The following PPEF1 variants were observed in gnomAD, a reference collection of about 807,000 sequenced individuals.
The protein encoded by PPEF1 is protein phosphatase with EF-hand domain 1, also known as serine/threonine-protein phosphatase with EF-hands 1.
In PPEF1, 12 loss-of-function variants were observed where a neutral mutation model predicts 53.3. That is an observed-to-expected ratio of 0.23 (90% CI 0.14 to 0.36). The LOEUF is 0.36. Among genes scored for constraint, PPEF1 ranks in the 10% least tolerant of loss-of-function variants. The pLI is 1.00. For missense variants in PPEF1, 334 were observed against 490.4 expected (o/e 0.68, Z 3.01); for synonymous variants, 165 against 176.7 (o/e 0.93, Z 0.52).
intron 1 of PPEF1, among the ~76,000 whole-genome samples, chrX:18,684,510 AC>A (rs1928991793): frequency 9.0e-6 from 1 of 111,551 alleles, no homozygotes; most frequent in African/African-American, 3.3e-5. Flanking sequence ...CAGTGAGATT[AC>A]ATTTCCTAGA....
intron 6 of PPEF1, among the ~76,000 whole-genome samples, chrX:18,769,767 G>T (rs1337723709): frequency 8.9e-6 from 1 of 112,018 alleles, no homozygotes; most frequent in Non-Finnish European, 1.9e-5. Flanking sequence ...GGTGAAGGTA[G>T]TATGTTACAA....
At chrX:18,825,930 ATTAAT>A in intron 15 of PPEF1, 95 bp downstream of exon 15, 5 of 581,129 alleles carry the variant, frequency 8.6e-6, no homozygotes, top group Non-Finnish European at 1.3e-5. Context: ...GAGCCCTATA[ATTAAT>A]ATGGTTTGAC....
Position 18,707,753 on chromosome X carries a change from A to G in PPEF1, c.-28A>G. On this transcript the variant is annotated 5_prime_UTR_variant, in exon 1 of 16. It removes an upstream start codon present in the reference 5' UTR. Coordinates refer to ENST00000470157, the MANE Select transcript of PPEF1 (RefSeq NM_001377996.1). ...TGTCTTAAAATCAGAAGTTGAATTC[A>G]TGAACACATATGATTTAGATAGAAG... 1 of 1,195,939 alleles carries G rather than the reference A, an allele frequency of 8.4e-7. No homozygotes were observed.
At chrX:18,795,953 G>T (rs1470048744) in intron 10 of PPEF1, among the ~76,000 whole-genome samples, 7 of 111,641 alleles carry the variant, frequency 6.3e-5, no homozygotes, top group Non-Finnish European at 9.4e-5. Context: ...TGTTTGTTTG[G>T]TTGGTTGGTT....
At chrX:18,746,296 A>T (rs2045327955) in intron 3 of PPEF1, among the ~76,000 whole-genome samples, 1 of 112,403 alleles carries the variant, frequency 8.9e-6, no homozygotes, top group Non-Finnish European at 1.9e-5. Flanking sequence ...GATTGTTTTC[A>T]TACATGACAC....
At chrX:18,824,224 G>A (rs1393368892) in intron 14 of PPEF1, 138 bp downstream of exon 14, 7 of 606,305 alleles carry the variant, frequency 1.2e-5, no homozygotes, top group South Asian at 4.8e-5. Flanking sequence ...GGCAGATCCC[G>A]AGGTCAGGAG....
intron 12 of PPEF1, among the ~76,000 whole-genome samples, chrX:18,810,248 ATATT>A (rs1427487943): frequency 4.5e-5 from 5 of 109,955 alleles, no homozygotes; most frequent in Non-Finnish European, 9.5e-5. Flanking sequence ...ACAACATACC[ATATT>A]TATTTATAAT....
chrX:18,825,170 C>A (rs2047143213), intron 14 of PPEF1, among the ~76,000 whole-genome samples: 1 of 111,952 alleles, frequency 8.9e-6, no homozygotes, highest in Non-Finnish European at 1.9e-5. Context: ...TTAAATATGA[C>A]ATTGAGCTGA....
At chrX:18,770,311 A>G (rs1268246946) in intron 6 of PPEF1, among the ~76,000 whole-genome samples, 1 of 111,487 alleles carries the variant, frequency 9.0e-6, no homozygotes, top group Non-Finnish European at 1.9e-5. Context: ...TTCAAACCCA[A>G]ACTATATAAA....
At chrX:18,706,818 C>CTTTTTTTTT (rs767459911), upstream of PPEF1, among the ~76,000 whole-genome samples, 1 of 46,299 alleles carries the variant, frequency 2.2e-5, no homozygotes, top group Non-Finnish European at 4.1e-5. Context: ...TTCAAACCTC[C>CTTTTTTTTT]TTTTTTTTTT....
intron 3 of PPEF1, among the ~76,000 whole-genome samples, chrX:18,747,491 T>C (rs1437508859): frequency 8.9e-6 from 1 of 112,428 alleles, no homozygotes; most frequent in Non-Finnish European, 1.9e-5. Context: ...CTTTCTTTCT[T>C]TTTGAGACAG....
chrX:18,825,761 C>T lies in PPEF1; in HGVS notation c.1676C>T (p.Thr559Ile). Reference sequence around the variant, plus strand: ...AAATCTTTATTTTAGGCTCATTCTACTCTAGTTGAAACTCTGTACAGATAC... The same window carrying T: ...AAATCTTTATTTTAGGCTCATTCTATTCTAGTTGAAACTCTGTACAGATAC... Reference protein sequence around the residue: ...IEKPVQEAHSTLVETLYRYRS... With the variant: ...IEKPVQEAHSILVETLYRYRS... Residue 559 changes from threonine to isoleucine, a missense_variant, in exon 15 of 16, where the codon ACT becomes ATT. Physicochemically the swap from Thr to Ile is moderately conservative, Grantham distance 89. Transcript: ENST00000470157. 1 of 1,188,631 alleles carries T rather than the reference C, an allele frequency of 8.4e-7. No individual in the cohort carries two copies. The highest frequency in any genetic ancestry group is 1.1e-6 in the Non-Finnish European group (1 of 882,383).
chrX:18,819,948 C>A (rs1221666080), intron 13 of PPEF1, among the ~76,000 whole-genome samples: 1 of 111,668 alleles, frequency 9.0e-6, no homozygotes, highest in African/African-American at 3.3e-5. Context: ...AAGAAAAAAT[C>A]TTTAAAAAGC....
At chrX:18,820,385 A>C (rs1336971152) in intron 13 of PPEF1, among the ~76,000 whole-genome samples, 3 of 76,765 alleles carry the variant, frequency 3.9e-5, no homozygotes, top group South Asian at 5.4e-4. Context: ...AGATTAGCAG[A>C]CTCTTTTTTT....
At chrX:18,699,839 T>G (rs779911049) in intron 5 of PPEF1, among the ~76,000 whole-genome samples, 2 of 112,704 alleles carry the variant, frequency 1.8e-5, no homozygotes, top group African/African-American at 6.4e-5. Flanking sequence ...CCACTTCTCT[T>G]AATTGTACCA....
At chrX:18,823,817 G>T in intron 13 of PPEF1, 106 bp from the exon 14 acceptor site, 1 of 871,324 alleles carries the variant, frequency 1.1e-6, no homozygotes, top group Non-Finnish European at 1.6e-6. Flanking sequence ...GATAAATTAT[G>T]AGGGAGAGCA....
At chrX:18,767,468 C>T (rs769149930) in intron 6 of PPEF1, among the ~76,000 whole-genome samples, 1 of 111,778 alleles carries the variant, frequency 8.9e-6, no homozygotes, top group South Asian at 3.8e-4. Context: ...TTGCTTGAAC[C>T]CGGGATGCAG....
intron 1 of PPEF1, among the ~76,000 whole-genome samples, chrX:18,726,674 T>A (rs867398161): frequency 9.9e-6 from 1 of 101,440 alleles, no homozygotes; most frequent in Non-Finnish European, 2.1e-5. Context: ...TTTTTTTTTT[T>A]AATCGAAATG....
intron 1 of PPEF1, among the ~76,000 whole-genome samples, chrX:18,722,614 T>C (rs144234183): frequency 0.012 from 1,311 of 112,632 alleles, 7 homozygotes; most frequent in Middle Eastern, 0.041. Flanking sequence ...AACAGTCATT[T>C]CATTTGTTCA....
Sources: gnomAD v4.1 joint callset for allele counts (sites outside exome capture counted in the v4.1 genomes callset) on GRCh38, gnomAD v4.1.1 for gene constraint, MANE v1.5 for transcripts, NCBI Gene and HGNC (gene_info 2026-07-23, HGNC 2026-07-21) for gene names.